NME7: variants seen among roughly 807,000 people sequenced by gnomAD.
NME7 encodes the protein nucleoside diphosphate kinase 7.
A neutral mutation model predicts 49.1 loss-of-function variants in NME7; 41 were observed. The observed-to-expected ratio is 0.83, with a 90% CI of 0.65 to 1.08. The LOEUF (loss-of-function observed/expected upper bound fraction) is 1.08. NME7 is among the 50% of genes least tolerant of loss of function. The pLI is 0.00. For synonymous variants in NME7, 139 were observed against 150.6 expected, an observed-to-expected ratio of 0.92 and a Z score of 0.56; for missense variants, 423 against 463.4, an observed-to-expected ratio of 0.91 and a Z score of 0.80.
intron 11 of NME7, among the ~76,000 whole-genome samples, chr1:169,133,089 T>TAAA (rs5778601): frequency 6.7e-6 from 1 of 150,172 alleles, no homozygotes; most frequent in Non-Finnish European, 1.5e-5. Flanking sequence ...ACATATGTGT[T>TAAA]AAAAAAAAAA....
At chr1:169,157,528 C>A (rs987430135) in intron 11 of NME7, among the ~76,000 whole-genome samples, 1 of 152,214 alleles carries the variant, frequency 6.6e-6, no homozygotes, top group African/African-American at 2.4e-5. Context: ...GGCCTCTCCT[C>A]CTCCCTGGGA....
chr1:169,254,154 G>T (rs954016032), intron 7 of NME7, among the ~76,000 whole-genome samples: 4 of 148,860 alleles, frequency 2.7e-5, no homozygotes, highest in Non-Finnish European at 4.4e-5. Context: ...GTTCCTCCTT[G>T]TACCTCTGGT....
intron 10 of NME7, among the ~76,000 whole-genome samples, chr1:169,210,407 G>T (rs1052541923): frequency 5.9e-5 from 9 of 152,138 alleles, no homozygotes; most frequent in African/African-American, 1.7e-4. Context: ...CCCAATGCTT[G>T]GTTCCTAAGT....
chr1:169,254,061 A>G (rs1056628159), intron 7 of NME7, among the ~76,000 whole-genome samples: 47 of 151,008 alleles, frequency 3.1e-4, no homozygotes, highest in African/African-American at 9.7e-4. Flanking sequence ...TTGGTATCAG[A>G]ATGATGCTGG....
At chr1:169,339,241 A>G (rs1280283555) in intron 1 of NME7, among the ~76,000 whole-genome samples, 1 of 152,194 alleles carries the variant, frequency 6.6e-6, no homozygotes, top group Non-Finnish European at 1.5e-5. Flanking sequence ...CAAAGAGGAC[A>G]TCTTTTCTTA....
intron 1 of NME7, among the ~76,000 whole-genome samples, chr1:169,355,085 ATATAC>A (rs1372558828): frequency 5.1e-5 from 3 of 59,382 alleles, no homozygotes; most frequent in Non-Finnish European, 5.6e-5. Context: ...ATAATATATA[ATATAC>A]TATATATTAT....
At chr1:169,273,304 G>T (rs1409249038) in intron 7 of NME7, among the ~76,000 whole-genome samples, 1 of 130,098 alleles carries the variant, frequency 7.7e-6, no homozygotes, top group East Asian at 2.0e-4. Flanking sequence ...GTGAGAACAT[G>T]CAGTGTTTAG....
At chr1:169,362,183 G>A (rs944670421) in intron 1 of NME7, among the ~76,000 whole-genome samples, 1 of 152,210 alleles carries the variant, frequency 6.6e-6, no homozygotes, top group Non-Finnish European at 1.5e-5. Flanking sequence ...ACTCCAGCCA[G>A]GGTGATAGAG....
At chr1:169,259,056 C>T (rs1438432576) in intron 7 of NME7, among the ~76,000 whole-genome samples, 1 of 133,390 alleles carries the variant, frequency 7.5e-6, no homozygotes, top group Non-Finnish European at 1.8e-5. Flanking sequence ...GGTGATATAG[C>T]TGAAAATTTT....
intron 7 of NME7, among the ~76,000 whole-genome samples, chr1:169,251,239 C>T: frequency 6.6e-6 from 1 of 151,932 alleles, no homozygotes; most frequent in South Asian, 2.1e-4. Context: ...CCTTCTTTGT[C>T]TTTTTTTACT....
chr1:169,240,949 T>G (rs981256740), intron 7 of NME7, among the ~76,000 whole-genome samples: 1 of 152,096 alleles, frequency 6.6e-6, no homozygotes, highest in Non-Finnish European at 1.5e-5. Flanking sequence ...CTTACTTAAT[T>G]TGAAAGACAA....
chr1:169,181,638 A>G (rs143574763), intron 10 of NME7, among the ~76,000 whole-genome samples: 2 of 152,312 alleles, frequency 1.3e-5, no homozygotes, highest in East Asian at 3.9e-4. Flanking sequence ...GACAATTTTA[A>G]TTACTGTCCT....
chr1:169,351,576 A>T (rs903399071), intron 1 of NME7, among the ~76,000 whole-genome samples: 1 of 152,018 alleles, frequency 6.6e-6, no homozygotes, highest in Non-Finnish European at 1.5e-5. Context: ...AAATAATAAG[A>T]TCATGGCAGA....
intron 7 of NME7, among the ~76,000 whole-genome samples, chr1:169,263,113 C>T (rs1649214040): frequency 7.5e-6 from 1 of 133,400 alleles, no homozygotes; most frequent in Admixed American, 7.3e-5. Flanking sequence ...CAGAAGACAT[C>T]AACTTCAAAA....
At chr1:169,224,656 T>A (rs909681485) in intron 10 of NME7, among the ~76,000 whole-genome samples, 3 of 152,174 alleles carry the variant, frequency 2.0e-5, no homozygotes, top group Non-Finnish European at 4.4e-5. Flanking sequence ...TTTTCTTTAA[T>A]AGGACCATAT....
intron 1 of NME7, among the ~76,000 whole-genome samples, chr1:169,335,764 A>G (rs1160293732): frequency 2.7e-5 from 4 of 147,326 alleles, no homozygotes; most frequent in African/African-American, 7.4e-5. Flanking sequence ...TATTAAATAT[A>G]TATTTATATA....
intron 1 of NME7, among the ~76,000 whole-genome samples, chr1:169,339,070 T>A (rs1263493986): frequency 6.6e-6 from 1 of 152,064 alleles, no homozygotes; most frequent in Non-Finnish European, 1.5e-5. Flanking sequence ...AATACTCAAA[T>A]AAATATTTAC....
chr1:169,208,160 A>T (rs1287744489), intron 10 of NME7, among the ~76,000 whole-genome samples: 2 of 152,018 alleles, frequency 1.3e-5, no homozygotes, highest in Non-Finnish European at 2.9e-5. Context: ...TTGATCGTAA[A>T]TTTTTTTCCA....
chr1:169,184,804 G>A (rs1660023306), intron 10 of NME7, among the ~76,000 whole-genome samples: 1 of 152,144 alleles, frequency 6.6e-6, no homozygotes, highest in Non-Finnish European at 1.5e-5. Flanking sequence ...GCTAGTAACT[G>A]TTTAACAGTT....
Sources: gnomAD v4.1 joint callset for allele counts (sites outside exome capture counted in the v4.1 genomes callset) on GRCh38, gnomAD v4.1.1 for gene constraint, MANE v1.5 for transcripts, NCBI Gene and HGNC (gene_info 2026-07-23, HGNC 2026-07-21) for gene names.